The following PANX1 variants were observed in gnomAD, a reference collection of about 807,000 sequenced individuals.
PANX1 encodes the protein pannexin 1, also known as pannexin-1.
PANX1 carries 30 observed loss-of-function variants against 38.7 expected under a neutral mutation model. The observed-to-expected ratio is 0.78, with a 90% CI of 0.58 to 1.05. The LOEUF (loss-of-function observed/expected upper bound fraction) is 1.05. Ranked by LOEUF, PANX1 falls within the 50% of genes least tolerant of loss-of-function variation. The probability of loss-of-function intolerance (pLI) is 0.00; values close to 1 mark genes in which losing one functional copy is unlikely to be tolerated. For missense variants in PANX1, 551 were observed against 517.2 expected (o/e 1.07, Z -0.63); for synonymous variants, 230 against 212.2 (o/e 1.08, Z -0.73).
intron 2 of PANX1, among the ~76,000 whole-genome samples, chr11:94,171,740 A>G (rs955576570): frequency 1.3e-5 from 2 of 151,210 alleles, no homozygotes; most frequent in Admixed American, 6.6e-5. Flanking sequence ...TTTTTCTCCA[A>G]CCGACTTTGA....
chr11:94,171,906 C>CT (rs58904240), intron 2 of PANX1, among the ~76,000 whole-genome samples: 24,383 of 145,226 alleles, frequency 0.17, 2,205 homozygotes, highest in Admixed American at 0.21. Flanking sequence ...TGAGAACTGG[C>CT]TTTTTTTTTT....
intron 1 of PANX1, among the ~76,000 whole-genome samples, chr11:94,151,216 G>A (rs1481512757): frequency 6.6e-6 from 1 of 152,118 alleles, no homozygotes; most frequent in Non-Finnish European, 1.5e-5. Flanking sequence ...AGCTTCACAT[G>A]TTTCTGCCCT....
chr11:94,177,455 T>G (rs1350541668), intron 2 of PANX1, among the ~76,000 whole-genome samples: 1 of 152,058 alleles, frequency 6.6e-6, no homozygotes, highest in Non-Finnish European at 1.5e-5. Context: ...CATAAAGTTT[T>G]TTTGTCATTG....
chr11:94,138,661 T>C (rs916798842), intron 1 of PANX1, among the ~76,000 whole-genome samples: 1 of 152,234 alleles, frequency 6.6e-6, no homozygotes, highest in Non-Finnish European at 1.5e-5. Flanking sequence ...AATCCAGTTG[T>C]ACTCTTTCAG....
rs535683804 is a variant in PANX1, at chr11:94,173,684, A to G, written c.322-4685A>G. On this transcript the variant is annotated intron_variant, in intron 2 of 4. Transcript: ENST00000227638. ...TGTCTTCTCTTCCTGCCTCTCTGCC[A>G]CAGTGACCTCCTGCCTGGTCTCTCT... is the stretch of plus-strand genomic sequence containing the variant. Among the ~76,000 whole-genome samples the G allele has an allele frequency of 4.6e-5, 7 of 151,550 alleles. 1 individual carries two copies. Among genetic ancestry groups the G allele is most frequent in the Non-Finnish European group, 8.8e-5 (6 of 68,014 alleles).
At chr11:94,142,502 T>C (rs1946774889) in intron 1 of PANX1, among the ~76,000 whole-genome samples, 1 of 152,242 alleles carries the variant, frequency 6.6e-6, no homozygotes, top group Non-Finnish European at 1.5e-5. Flanking sequence ...CTGTCTTAAA[T>C]GGGCTGTCAG....
At chr11:94,177,846 A>G (rs556677196) in intron 2 of PANX1, among the ~76,000 whole-genome samples, 2 of 151,908 alleles carry the variant, frequency 1.3e-5, no homozygotes, top group African/African-American at 4.8e-5. Flanking sequence ...TGCTTATTTC[A>G]GCTGTCTTAT....
At chr11:94,170,452 C>G (rs774693582) in intron 2 of PANX1, among the ~76,000 whole-genome samples, 2 of 151,734 alleles carry the variant, frequency 1.3e-5, no homozygotes, top group African/African-American at 4.9e-5. Context: ...TTTGTTTATC[C>G]GTTCATCAGC....
intron 2 of PANX1, among the ~76,000 whole-genome samples, chr11:94,167,095 G>A (rs745849067): frequency 6.6e-6 from 1 of 152,154 alleles, no homozygotes; most frequent in Non-Finnish European, 1.5e-5. Flanking sequence ...TCTTTTGTGG[G>A]ACCTGGCAGA....
chr11:94,134,904 A>C (rs1378301768), intron 1 of PANX1, among the ~76,000 whole-genome samples: 1 of 152,062 alleles, frequency 6.6e-6, no homozygotes. Context: ...AGTCTGTGGG[A>C]TTTTCTTACA....
At chr11:94,159,642 G>T (rs1039834415) in intron 2 of PANX1, among the ~76,000 whole-genome samples, 2 of 151,740 alleles carry the variant, frequency 1.3e-5, no homozygotes, top group African/African-American at 2.4e-5. Flanking sequence ...TCTTGCTAGC[G>T]GTCTATCAAT....
chr11:94,130,287 G>C (rs189210275), intron 1 of PANX1, among the ~76,000 whole-genome samples: 104 of 152,300 alleles, frequency 6.8e-4, no homozygotes, highest in African/African-American at 2.4e-3. Context: ...AGTGCGGCTG[G>C]ACTTTGGGAA....
intron 1 of PANX1, among the ~76,000 whole-genome samples, chr11:94,147,551 T>C (rs1320525684): frequency 6.6e-6 from 1 of 152,212 alleles, no homozygotes; most frequent in Non-Finnish European, 1.5e-5. Context: ...TGTCATCCTG[T>C]CTTCGTGGTT....
intron 2 of PANX1, among the ~76,000 whole-genome samples, chr11:94,160,443 CTCT>C (rs1197548476): frequency 6.6e-6 from 1 of 152,146 alleles, no homozygotes; most frequent in African/African-American, 2.4e-5. Context: ...GGATAGTTAG[CTCT>C]TCTTGTTGAA....
chr11:94,149,420 A>G (rs2063072081), intron 1 of PANX1, among the ~76,000 whole-genome samples: 1 of 152,112 alleles, frequency 6.6e-6, no homozygotes, highest in Admixed American at 6.5e-5. Flanking sequence ...AGGAGGGTGG[A>G]TGGGGAGATG....
At position 94,180,956 on chromosome 11, in the gene PANX1, G is replaced by A; in HGVS notation, c.*87G>A. On this transcript the variant is annotated 3_prime_UTR_variant, in exon 5 of 5. Coordinates refer to ENST00000227638, the MANE Select transcript of PANX1 (RefSeq NM_015368.4). ...AGCACCCCTGTTGGTTTCACAGCTG[G>A]TTTGCAATAAATGGTTCTTGGTGGA... 1 of 779,798 alleles carries A rather than the reference G, an allele frequency of 1.3e-6. No individual in the cohort carries two copies. Among genetic ancestry groups the A allele is most frequent in the Non-Finnish European group, 2.3e-6 (1 of 433,334 alleles). The allele number at this position is 779,798 out of a possible 1,614,324, so 48.3% of individuals were successfully genotyped here.
chr11:94,169,329 T>C (rs919827123), intron 2 of PANX1, among the ~76,000 whole-genome samples: 19 of 151,384 alleles, frequency 1.3e-4, no homozygotes, highest in African/African-American at 4.4e-4. Flanking sequence ...AAAGGCAGGG[T>C]ATCTTGTAAA....
chr11:94,143,190 T>G (rs981947016), intron 1 of PANX1, among the ~76,000 whole-genome samples: 3 of 152,324 alleles, frequency 2.0e-5, no homozygotes, highest in Admixed American at 2.0e-4. Context: ...AAAATCCAGC[T>G]TTTAAAAGGC....
chr11:94,135,482 G>A (rs1946678186), intron 1 of PANX1, among the ~76,000 whole-genome samples: 1 of 152,142 alleles, frequency 6.6e-6, no homozygotes, highest in Non-Finnish European at 1.5e-5. Context: ...CTGCTTTTTA[G>A]CATGTACCAG....
Sources: gnomAD v4.1 joint callset for allele counts (sites outside exome capture counted in the v4.1 genomes callset) on GRCh38, gnomAD v4.1.1 for gene constraint, MANE v1.5 for transcripts, NCBI Gene and HGNC (gene_info 2026-07-23, HGNC 2026-07-21) for gene names.